CA10: variants seen among roughly 807,000 people sequenced by gnomAD.
CA10 encodes the protein carbonic anhydrase 10 (inactive).
A neutral mutation model predicts 44.2 loss-of-function variants in CA10; 14 were observed. The observed-to-expected ratio is 0.32, with a 90% CI of 0.21 to 0.50. The LOEUF is 0.50. Among genes scored for constraint, CA10 ranks in the 20% least tolerant of loss-of-function variants. The pLI, the probability that CA10 is intolerant of heterozygous loss-of-function variation, is 0.99. For synonymous variants in CA10, 159 were observed against 141.6 expected (o/e 1.12, Z -0.87); for missense variants, 350 against 409.7 (o/e 0.85, Z 1.26).
intron 2 of CA10, among the ~76,000 whole-genome samples, chr17:51,998,470 A>C (rs1205339603): frequency 2.0e-5 from 3 of 152,040 alleles, no homozygotes; most frequent in Admixed American, 2.0e-4. Context: ...CTTATCCCAT[A>C]AAACACCAAC....
At chr17:52,067,616 T>C (rs937134000) in intron 2 of CA10, among the ~76,000 whole-genome samples, 1 of 152,198 alleles carries the variant, frequency 6.6e-6, no homozygotes, top group African/African-American at 2.4e-5. Flanking sequence ...GCTTGCAACA[T>C]GCACCTGGCA....
At chr17:52,128,582 G>C (rs934788777) in intron 1 of CA10, among the ~76,000 whole-genome samples, 4 of 151,874 alleles carry the variant, frequency 2.6e-5, no homozygotes, top group African/African-American at 9.7e-5. Context: ...TTTCTTTATG[G>C]CCCATTCTCA....
At chr17:51,831,652 C>T (rs1908244803) in intron 3 of CA10, among the ~76,000 whole-genome samples, 1 of 149,712 alleles carries the variant, frequency 6.7e-6, no homozygotes, top group Admixed American at 6.6e-5. Context: ...TGGATTGTTC[C>T]AAGGAGAAAA....
chr17:52,038,134 T>C (rs1348750539), intron 2 of CA10, among the ~76,000 whole-genome samples: 6 of 152,118 alleles, frequency 3.9e-5, no homozygotes, highest in African/African-American at 1.4e-4. Context: ...AATGCATTTC[T>C]AAATAATTCA....
rs546340907 is a variant in CA10 at position 51,859,521 on chromosome 17, G to A, written c.279+71469C>T. Among the ~76,000 whole-genome samples, 3 of 152,238 alleles carry A rather than the reference G, an allele frequency of 2.0e-5. No homozygotes were observed. The East Asian group carries it at 5.8e-4, about 29-fold the overall frequency. The stretch of plus-strand genomic sequence containing the variant: ...TCACCTTGGGATACCCAGTCACACA[G>A]TGAGGCTTTGTGGTACATGGTTCTC... On this transcript the variant is annotated intron_variant, in intron 3 of 8. Transcript: ENST00000451037.
intron 2 of CA10, among the ~76,000 whole-genome samples, chr17:52,047,630 CAAA>C (rs1160380418): frequency 6.6e-6 from 1 of 151,792 alleles, no homozygotes; most frequent in Non-Finnish European, 1.5e-5. Flanking sequence ...TAGAAATGTA[CAAA>C]AAGACAATAA....
chr17:51,766,019 C>G (rs764356022), intron 3 of CA10, among the ~76,000 whole-genome samples: 1 of 152,062 alleles, frequency 6.6e-6, no homozygotes, highest in African/African-American at 2.4e-5. Context: ...AACAGGAATG[C>G]CGGGCAGCAA....
intron 1 of CA10, among the ~76,000 whole-genome samples, chr17:52,088,105 T>C (rs2143199788): frequency 6.6e-6 from 1 of 152,012 alleles, no homozygotes; most frequent in Non-Finnish European, 1.5e-5. Flanking sequence ...AGGGAGAGGA[T>C]CAGGAAAAAC....
Position 51,631,137 on chromosome 17 carries a change from A to AT in CA10, c.*446dup. On this transcript the variant is annotated 3_prime_UTR_variant, in exon 9 of 9. Transcript: ENST00000451037. ...GTCCGTTTGATGCCATCAGAGCTGT[A>AT]TTTTCTCCTCTCTCTTTTGGAAGAA... The AT allele has an allele frequency of 5.8e-6, 1 of 170,956 alleles. No homozygotes were observed. Among genetic ancestry groups the AT allele is most frequent in the Admixed American group, 5.8e-5 (1 of 17,102 alleles). 10.6% of individuals were successfully genotyped at this position (170,956 alleles called of 1,614,324 possible).
intron 3 of CA10, among the ~76,000 whole-genome samples, chr17:51,897,409 G>C (rs1047295903): frequency 1.3e-5 from 2 of 152,012 alleles, no homozygotes; most frequent in African/African-American, 4.8e-5. Context: ...TGTCTATTCT[G>C]TTCCATTGTT....
At chr17:52,134,839 C>T (rs1053042685) in intron 1 of CA10, 2 of 518,772 alleles carry the variant, frequency 3.9e-6, no homozygotes, top group Non-Finnish European at 7.7e-6. Context: ...CATCCTCCAC[C>T]CCATGCATGA....
chr17:51,925,971 CAG>C (rs754415744), intron 3 of CA10, among the ~76,000 whole-genome samples: 3 of 151,990 alleles, frequency 2.0e-5, no homozygotes, highest in Non-Finnish European at 4.4e-5. Context: ...TTACTGGGTA[CAG>C]AGTTTCAAGT....
chr17:52,017,144 T>A (rs79552662), intron 2 of CA10, among the ~76,000 whole-genome samples: 1 of 152,052 alleles, frequency 6.6e-6, no homozygotes, highest in African/African-American at 2.4e-5. Context: ...TATTCCTTTA[T>A]AGCCATGCAA....
chr17:52,071,004 T>A (rs983951494), intron 2 of CA10, among the ~76,000 whole-genome samples: 3 of 152,208 alleles, frequency 2.0e-5, no homozygotes, highest in Non-Finnish European at 4.4e-5. Flanking sequence ...TGAGATATCT[T>A]GAATATAACA....
At chr17:51,790,180 A>G in intron 3 of CA10, among the ~76,000 whole-genome samples, 1 of 152,174 alleles carries the variant, frequency 6.6e-6, no homozygotes, top group Admixed American at 6.5e-5. Context: ...TAGAGTTTCC[A>G]GAGCCAGGGA....
At chr17:52,149,355 G>A (rs140003718) in intron 1 of CA10, among the ~76,000 whole-genome samples, 1 of 152,330 alleles carries the variant, frequency 6.6e-6, no homozygotes, top group Non-Finnish European at 1.5e-5. Flanking sequence ...GCATTTGTAT[G>A]CTGTGTCCTT....
chr17:51,986,139 GT>G (rs1984829289), intron 2 of CA10, among the ~76,000 whole-genome samples: 1 of 151,964 alleles, frequency 6.6e-6, no homozygotes, highest in African/African-American at 2.4e-5. Context: ...AAACAACATG[GT>G]ACTGATATAA....
At chr17:52,133,946 G>C (rs902034516) in intron 1 of CA10, among the ~76,000 whole-genome samples, 2 of 152,194 alleles carry the variant, frequency 1.3e-5, no homozygotes, top group Non-Finnish European at 2.9e-5. Context: ...TGCGAGGGGA[G>C]GCAGGAAGTG....
chr17:51,757,728 T>C (rs1905115189), intron 3 of CA10, among the ~76,000 whole-genome samples: 1 of 152,258 alleles, frequency 6.6e-6, no homozygotes. Context: ...TGTATCTAGA[T>C]ACTGGGCTCT....
Sources: gnomAD v4.1 joint callset for allele counts (sites outside exome capture counted in the v4.1 genomes callset) on GRCh38, gnomAD v4.1.1 for gene constraint, MANE v1.5 for transcripts, NCBI Gene and HGNC (gene_info 2026-07-23, HGNC 2026-07-21) for gene names.